The following RALGAPA2 variants were observed in gnomAD, a reference collection of about 807,000 sequenced individuals.
The protein encoded by RALGAPA2 is ral GTPase-activating protein subunit alpha-2.
RALGAPA2 carries 139 observed loss-of-function variants against 230.4 expected under a neutral mutation model. The ratio of observed to expected loss-of-function variants is 0.60; its 90% CI spans 0.53 to 0.69. RALGAPA2 has a LOEUF of 0.69. Ranked by LOEUF, RALGAPA2 falls within the 30% of genes least tolerant of loss-of-function variation. The pLI is 0.00. For missense variants in RALGAPA2, 2,163 were observed against 2,276.0 expected, an observed-to-expected ratio of 0.95 and a Z score of 1.01; for synonymous variants, 847 against 837.8, an observed-to-expected ratio of 1.01 and a Z score of -0.19.
chr20:20,707,747 C>A (rs1568782944), intron 1 of RALGAPA2, among the ~76,000 whole-genome samples: 1 of 152,056 alleles, frequency 6.6e-6, no homozygotes. Flanking sequence ...CCCCAGCCAG[C>A]CTCAGCTTCT....
rs995795253 is a variant in RALGAPA2, at chr20:20,621,678, C to T, written c.1234-1048G>A. On this transcript the variant is annotated intron_variant, in intron 10 of 39. Transcript: ENST00000202677. The stretch of plus-strand genomic sequence containing the variant: ...TTTAACATTAAGGAATTCCCTTATA[C>T]ATCTCCATACAACAATTTTGATTTA... 3.3e-5 allele frequency among the ~76,000 whole-genome samples: 5 copies of T among 152,298 alleles called. No homozygotes were observed. The East Asian group carries it at 7.7e-4, about 23-fold the overall frequency.
At chr20:20,580,780 G>T (rs1224098441) in intron 20 of RALGAPA2, among the ~76,000 whole-genome samples, 1 of 152,134 alleles carries the variant, frequency 6.6e-6, no homozygotes, top group Non-Finnish European at 1.5e-5. Context: ...ATGATTTAAT[G>T]AGAAAGCAAA....
intron 16 of RALGAPA2, among the ~76,000 whole-genome samples, chr20:20,594,774 G>A (rs986674264): frequency 2.7e-5 from 4 of 149,124 alleles, no homozygotes; most frequent in South Asian, 2.1e-4. Context: ...TGTCGGCCAG[G>A]CTGGAGCACA....
At chr20:20,612,134 T>A (rs1208441754) in intron 13 of RALGAPA2, among the ~76,000 whole-genome samples, 2 of 152,240 alleles carry the variant, frequency 1.3e-5, no homozygotes, top group Non-Finnish European at 1.5e-5. Flanking sequence ...ATAACACTGC[T>A]AATTACAATA....
rs1405758727 is a variant in RALGAPA2 at position 20,571,553 on chromosome 20, C to T, written c.3061G>A (p.Ala1021Thr). Residue 1021 changes from alanine to threonine, a missense_variant, in exon 23 of 40, where the codon GCC becomes ACC. Coordinates refer to ENST00000202677, the MANE Select transcript of RALGAPA2 (RefSeq NM_020343.4). The part of the protein sequence containing the change: ...GKLQAYRLIC[A>T]MMTRRQDVLP... ...ACGTCCTGGCGTCTGGTCATCATGG[C>T]ACAGATCAGCCTGTAGGCTTGTAGT... The T allele has an allele frequency of 1.9e-6, 3 of 1,612,432 alleles. No homozygotes were observed. The highest frequency in any genetic ancestry group is 2.5e-6 in the Non-Finnish European group (3 of 1,179,280).
rs778953849 is a variant in RALGAPA2, at chr20:20,571,839, T to C, written c.3000+9A>G. 5 of 1,593,318 alleles carry C rather than the reference T, an allele frequency of 3.1e-6. No homozygotes were observed. The highest frequency in any genetic ancestry group is 1.3e-5 in the African/African-American group (1 of 74,534). ...ATCGCAATAAAGGAATAAACACATATCCACTTGCCTTAAACAGCCATGATG... is the reference window on the plus strand; with the variant it reads ...ATCGCAATAAAGGAATAAACACATACCCACTTGCCTTAAACAGCCATGATG... On this transcript the variant is annotated intron_variant, in intron 22 of 39. Coordinates refer to ENST00000202677, the MANE Select transcript of RALGAPA2 (RefSeq NM_020343.4).
intron 17 of RALGAPA2, among the ~76,000 whole-genome samples, chr20:20,589,995 A>G (rs2065239986): frequency 6.6e-6 from 1 of 151,300 alleles, no homozygotes; most frequent in African/African-American, 2.4e-5. Flanking sequence ...TAATTTTTTA[A>G]CTTGACATAT....
intron 10 of RALGAPA2, among the ~76,000 whole-genome samples, chr20:20,625,357 G>A (rs1568666447): frequency 6.6e-6 from 1 of 152,252 alleles, no homozygotes; most frequent in African/African-American, 2.4e-5. Context: ...GTGGTGTTTC[G>A]AGGGATTTGC....
intron 37 of RALGAPA2, among the ~76,000 whole-genome samples, chr20:20,454,214 T>C (rs909424606): frequency 7.9e-5 from 12 of 152,164 alleles, no homozygotes; most frequent in African/African-American, 2.9e-4. Flanking sequence ...GGTGAGATGA[T>C]CAGCATAGAG....
intron 37 of RALGAPA2, among the ~76,000 whole-genome samples, chr20:20,419,953 C>A (rs2060243670): frequency 6.6e-6 from 1 of 152,162 alleles, no homozygotes. Context: ...AGCAGGGAGG[C>A]AGACCGAACA....
chr20:20,543,101 G>A (rs1202312954), intron 24 of RALGAPA2, among the ~76,000 whole-genome samples: 2 of 152,058 alleles, frequency 1.3e-5, no homozygotes, highest in African/African-American at 4.8e-5. Flanking sequence ...CTAGAGTGCA[G>A]TGGTGCGATC....
At chr20:20,696,781 C>T (rs1387329874) in intron 1 of RALGAPA2, among the ~76,000 whole-genome samples, 1 of 152,186 alleles carries the variant, frequency 6.6e-6, no homozygotes, top group Non-Finnish European at 1.5e-5. Context: ...TCAGTCCAAA[C>T]CTCCCTTCAG....
intron 35 of RALGAPA2, among the ~76,000 whole-genome samples, chr20:20,496,948 G>C (rs1602546765): frequency 6.6e-6 from 1 of 152,176 alleles, no homozygotes; most frequent in Non-Finnish European, 1.5e-5. Flanking sequence ...GTTTGAATGT[G>C]GGCTCTGGGA....
chr20:20,513,786 T>C (rs953391787), intron 31 of RALGAPA2, among the ~76,000 whole-genome samples: 1 of 152,158 alleles, frequency 6.6e-6, no homozygotes, highest in Non-Finnish European at 1.5e-5. Flanking sequence ...GAGCACTTGC[T>C]CTGGAGTGGG....
intron 16 of RALGAPA2, 141 bp downstream of exon 16, chr20:20,601,541 A>G (rs1215483012): frequency 1.3e-6 from 1 of 768,936 alleles, no homozygotes; most frequent in African/African-American, 1.8e-5. Flanking sequence ...CAGAGCATAA[A>G]GCTAAAAAGA....
intron 30 of RALGAPA2, among the ~76,000 whole-genome samples, chr20:20,523,505 A>T (rs373427272): frequency 1.3e-5 from 2 of 152,342 alleles, no homozygotes; most frequent in Admixed American, 6.5e-5. Flanking sequence ...AAGAAATAAG[A>T]CCTGGTGTTC....
At chr20:20,447,447 C>A (rs1207997917) in intron 37 of RALGAPA2, among the ~76,000 whole-genome samples, 1 of 152,194 alleles carries the variant, frequency 6.6e-6, no homozygotes, top group African/African-American at 2.4e-5. Flanking sequence ...GAGAGCTCAA[C>A]AGCAAGGGGC....
intron 36 of RALGAPA2, among the ~76,000 whole-genome samples, chr20:20,481,952 T>TA (rs376905100): frequency 7.5e-4 from 114 of 151,196 alleles, no homozygotes; most frequent in African/African-American, 1.8e-3. Flanking sequence ...AGAGGCAAGG[T>TA]AAAAAAAAAC....
intron 23 of RALGAPA2, among the ~76,000 whole-genome samples, chr20:20,550,870 A>G (rs539714851): frequency 2.0e-5 from 3 of 152,380 alleles, no homozygotes; most frequent in Admixed American, 6.5e-5. Context: ...AAGGACTCTG[A>G]AGAGTTTTAC....
Sources: allele counts gnomAD v4.1 joint callset (sites outside exome capture counted in the v4.1 genomes callset), GRCh38; gene constraint gnomAD v4.1.1; transcripts MANE v1.5; gene names NCBI Gene and HGNC (gene_info 2026-07-23, HGNC 2026-07-21).